CHN1: variants seen among roughly 807,000 people sequenced by gnomAD.
CHN1 encodes chimerin 1, also known as N-chimaerin.
Under a neutral mutation model 59.5 loss-of-function variants are expected in CHN1, and 37 were observed. The observed-to-expected ratio is 0.62, with a 90% CI of 0.48 to 0.82. CHN1 has a LOEUF of 0.82. CHN1 is among the 40% of genes least tolerant of loss of function. CHN1 has a pLI of 0.00. For missense variants in CHN1, 469 were observed against 571.0 expected (o/e 0.82, Z 1.82); for synonymous variants, 206 against 200.4 (o/e 1.03, Z -0.24).
chr2:174,892,763 ACATGAC>A (rs1249149062), intron 5 of CHN1, among the ~76,000 whole-genome samples: 1 of 152,174 alleles, frequency 6.6e-6, no homozygotes, highest in Non-Finnish European at 1.5e-5. Context: ...TACATACATA[ACATGAC>A]CACGTGAAAT....
At chr2:174,941,190 T>C (rs1047975744) in intron 3 of CHN1, among the ~76,000 whole-genome samples, 1 of 152,180 alleles carries the variant, frequency 6.6e-6, no homozygotes, top group African/African-American at 2.4e-5. Context: ...TCCATCAGTT[T>C]TTGAGCACGT....
chr2:174,918,394 C>T (rs1473078095), intron 4 of CHN1, 140 bp downstream of exon 4: 3 of 538,650 alleles, frequency 5.6e-6, no homozygotes, highest in Non-Finnish European at 9.3e-6. Context: ...CCAATTAGAT[C>T]ACATTTGAAA....
intron 5 of CHN1, among the ~76,000 whole-genome samples, chr2:174,914,381 A>G (rs1213353653): frequency 6.6e-6 from 1 of 152,204 alleles, no homozygotes; most frequent in African/African-American, 2.4e-5. Flanking sequence ...AAACTGTTCC[A>G]ACCAAAAGCC....
At chr2:174,888,214 G>A (rs1486406548) in intron 5 of CHN1, among the ~76,000 whole-genome samples, 2 of 152,066 alleles carry the variant, frequency 1.3e-5, no homozygotes, top group East Asian at 1.9e-4. Flanking sequence ...CTAAAAACCT[G>A]GCAGCAAACA....
chr2:174,822,582 C>T (rs1020815953), intron 8 of CHN1, among the ~76,000 whole-genome samples: 2 of 152,308 alleles, frequency 1.3e-5, no homozygotes, highest in African/African-American at 4.8e-5. Context: ...AAAACTATTG[C>T]AGAGTATCAG....
chr2:174,805,513 C>T lies in CHN1; in HGVS notation c.1102+3392G>A, dbSNP rs906333333. On this transcript the variant is annotated intron_variant, in intron 11 of 12. Transcript: ENST00000409900. ...ATTCCGGTGAAGTAGGAAGACAAAA[C>T]GTAATTACAACCTTCCAGCATGAAG... Among the ~76,000 whole-genome samples, 3 of 152,096 alleles carry T rather than the reference C, an allele frequency of 2.0e-5. 1 individual carries two copies. The highest frequency in any genetic ancestry group is 1.3e-4 in the Admixed American group (2 of 15,268).
intron 7 of CHN1, among the ~76,000 whole-genome samples, chr2:174,844,683 C>G (rs1686445766): frequency 6.6e-6 from 1 of 152,184 alleles, no homozygotes; most frequent in Non-Finnish European, 1.5e-5. Flanking sequence ...GCACCTGCCA[C>G]AGAGTCTGGG....
chr2:174,818,726 T>C (rs1469156580), intron 8 of CHN1, among the ~76,000 whole-genome samples: 1 of 152,158 alleles, frequency 6.6e-6, no homozygotes, highest in African/African-American at 2.4e-5. Context: ...AATAAAAAAT[T>C]CAAGTCACAT....
At chr2:174,891,547 T>C (rs1307628640) in intron 5 of CHN1, among the ~76,000 whole-genome samples, 1 of 144,948 alleles carries the variant, frequency 6.9e-6, no homozygotes, top group African/African-American at 2.6e-5. Flanking sequence ...CCAGCCTGGG[T>C]GACAGAGCGA....
At position 174,972,728 on chromosome 2, in the gene CHN1, T is replaced by G. The variant is rs368932474; in HGVS notation, c.20-20526A>C. Among the ~76,000 whole-genome samples the G allele has an allele frequency of 2.6e-5, 4 of 152,192 alleles. No homozygotes were observed. In the East Asian group the frequency reaches 7.7e-4, roughly 29 times the overall value. On this transcript the variant is annotated intron_variant, in intron 1 of 12. Coordinates refer to ENST00000409900, the MANE Select transcript of CHN1 (RefSeq NM_001822.7). ...TGGCCATAAAGTCAGGTTGATTCAG[T>G]GCCAAGGCTAAGCGTTATCACGTAA...
intron 6 of CHN1, among the ~76,000 whole-genome samples, chr2:174,862,481 C>T (rs193025342): frequency 2.6e-5 from 4 of 152,096 alleles, no homozygotes; most frequent in East Asian, 3.9e-4. Context: ...TGCAGGCACA[C>T]GCCACCACAC....
chr2:174,949,903 G>T (rs1308433186), intron 2 of CHN1, among the ~76,000 whole-genome samples: 1 of 151,894 alleles, frequency 6.6e-6, no homozygotes, highest in Non-Finnish European at 1.5e-5. Flanking sequence ...ATGATTACGG[G>T]GAGTTCAGAC....
At chr2:174,984,831 TAGC>T (rs1301723701) in intron 1 of CHN1, among the ~76,000 whole-genome samples, 1 of 152,214 alleles carries the variant, frequency 6.6e-6, no homozygotes, top group Non-Finnish European at 1.5e-5. Context: ...TATGCAAGCT[TAGC>T]AGCCAGTACA....
chr2:174,879,105 A>G (rs1365069942), intron 5 of CHN1, among the ~76,000 whole-genome samples: 4 of 152,236 alleles, frequency 2.6e-5, no homozygotes, highest in Non-Finnish European at 4.4e-5. Context: ...CAAGTCACAA[A>G]GGATATATTT....
chr2:174,859,014 A>AC (rs56336011), intron 6 of CHN1, among the ~76,000 whole-genome samples: 22 of 151,288 alleles, frequency 1.5e-4, no homozygotes, highest in Admixed American at 2.0e-4. Flanking sequence ...ACACACACAC[A>AC]AAACCAAACA....
intron 7 of CHN1, among the ~76,000 whole-genome samples, chr2:174,839,092 TACA>T (rs1375411954): frequency 6.6e-6 from 1 of 152,272 alleles, no homozygotes; most frequent in South Asian, 2.1e-4. Context: ...ATTTACTGTG[TACA>T]ACATGTTTTG....
chr2:174,858,557 G>A (rs944631568), intron 6 of CHN1, among the ~76,000 whole-genome samples: 1 of 152,084 alleles, frequency 6.6e-6, no homozygotes, highest in Admixed American at 6.6e-5. Context: ...CTTATTGCAC[G>A]TTTTATAAGA....
At chr2:174,900,753 T>G (rs1688363274) in intron 5 of CHN1, among the ~76,000 whole-genome samples, 1 of 151,054 alleles carries the variant, frequency 6.6e-6, no homozygotes, top group Non-Finnish European at 1.5e-5. Context: ...TGCAGTGAGC[T>G]GAGATTGCGC....
intron 3 of CHN1, among the ~76,000 whole-genome samples, chr2:174,937,729 T>A (rs1026590049): frequency 1.3e-5 from 2 of 151,824 alleles, no homozygotes; most frequent in Non-Finnish European, 2.9e-5. Flanking sequence ...AATGAGTGAG[T>A]TCTTACTCTC....
Sources: gnomAD v4.1 joint callset for allele counts (sites outside exome capture counted in the v4.1 genomes callset) on GRCh38, gnomAD v4.1.1 for gene constraint, MANE v1.5 for transcripts, NCBI Gene and HGNC (gene_info 2026-07-23, HGNC 2026-07-21) for gene names.